ATE1: variants seen among roughly 807,000 people sequenced by gnomAD.
ATE1 encodes arginyl-tRNA--protein transferase 1.
In ATE1, 36 loss-of-function variants were observed where a neutral mutation model predicts 70.5. The observed-to-expected ratio is 0.51, with a 90% confidence interval of 0.39 to 0.67. The LOEUF (loss-of-function observed/expected upper bound fraction) is 0.67, where lower values mean the gene tolerates loss of function less well. Among genes scored for constraint, ATE1 ranks in the 30% least tolerant of loss-of-function variants. The pLI is 0.00. For missense variants in ATE1, 593 were observed against 629.5 expected (o/e 0.94, Z 0.62); for synonymous variants, 232 against 219.3 (o/e 1.06, Z -0.51).
intron 8 of ATE1, among the ~76,000 whole-genome samples, chr10:121,868,795 C>T (rs1949749734): frequency 6.6e-6 from 1 of 152,186 alleles, no homozygotes; most frequent in Non-Finnish European, 1.5e-5. Context: ...CTGGATGGGA[C>T]TACCCTCTCT....
In ATE1 at chr10:121,763,739, C is replaced by T. The variant is rs78595899; in HGVS notation, c.1379-19881G>A. On this transcript the variant is annotated intron_variant, in intron 11 of 11. Transcript: ENST00000224652. ...AACACAAAGAACATACCCAGCCGGG[C>T]GCAGTGGCTCACACTTGTAATCCCA... 9.4e-3 allele frequency among the ~76,000 whole-genome samples: 1,428 copies of T among 152,252 alleles called. 11 individuals are homozygous for T. Among genetic ancestry groups the T allele is most frequent in the Middle Eastern group, 0.037 (11 of 294 alleles).
chr10:121,785,263 A>G (rs906724061), intron 11 of ATE1, among the ~76,000 whole-genome samples: 3 of 152,208 alleles, frequency 2.0e-5, no homozygotes, highest in Non-Finnish European at 2.9e-5. Flanking sequence ...TAGGAAAGAT[A>G]CTATTATTAG....
intron 7 of ATE1, among the ~76,000 whole-genome samples, chr10:121,876,156 T>C (rs35029741): frequency 0.046 from 6,956 of 152,282 alleles, 234 homozygotes; most frequent in Non-Finnish European, 0.071. Flanking sequence ...GGTGATGTTA[T>C]GGGCAAATGC....
intron 10 of ATE1, among the ~76,000 whole-genome samples, chr10:121,828,933 G>A (rs1201282196): frequency 6.6e-6 from 1 of 152,130 alleles, no homozygotes; most frequent in Non-Finnish European, 1.5e-5. Flanking sequence ...ACAAATCTAT[G>A]TAAGAAAATC....
chr10:121,788,363 T>C (rs191908721), intron 11 of ATE1, among the ~76,000 whole-genome samples: 4 of 152,276 alleles, frequency 2.6e-5, no homozygotes, highest in African/African-American at 9.6e-5. Flanking sequence ...AACCTAAACA[T>C]CTAGAAAAAC....
chr10:121,924,367 A>G, intron 1 of ATE1, 38 bp from the exon 2 acceptor site: 1 of 1,585,274 alleles, frequency 6.3e-7, no homozygotes, highest in South Asian at 1.1e-5. Flanking sequence ...CGGCAGGGTA[A>G]CCTTTTTTCT....
At chr10:121,865,277 C>T (rs1448298079) in intron 8 of ATE1, among the ~76,000 whole-genome samples, 1 of 152,124 alleles carries the variant, frequency 6.6e-6, no homozygotes, top group African/African-American at 2.4e-5. Flanking sequence ...AAGTTATTAT[C>T]CTATTAATAC....
intron 4 of ATE1, among the ~76,000 whole-genome samples, chr10:121,912,723 T>C (rs537026934): frequency 1.9e-4 from 29 of 151,990 alleles, no homozygotes; most frequent in South Asian, 8.3e-4. Context: ...CATGTTCATT[T>C]TTCTAACTCA....
In ATE1 at chr10:121,795,994, T is replaced by C. The variant is rs188470723; in HGVS notation, c.1258-5705A>G. Among the ~76,000 whole-genome samples the C allele has an allele frequency of 3.3e-5, 5 of 152,364 alleles. No individual in the cohort carries two copies. In the East Asian group the frequency reaches 9.6e-4, roughly 29 times the overall value. On this transcript the variant is annotated intron_variant, in intron 10 of 11. Coordinates refer to ENST00000224652, the MANE Select transcript of ATE1 (RefSeq NM_001001976.3). Reference sequence around the variant, plus strand: ...CAAAGAGGTAAAAGCAGATTAATTCTTTCCTAGGGTGCTGACTTTTTGTAA... The same window carrying C: ...CAAAGAGGTAAAAGCAGATTAATTCCTTCCTAGGGTGCTGACTTTTTGTAA...
chr10:121,777,013 G>A (rs1289406833), intron 11 of ATE1, among the ~76,000 whole-genome samples: 1 of 152,218 alleles, frequency 6.6e-6, no homozygotes, highest in Non-Finnish European at 1.5e-5. Flanking sequence ...GTAATGTAAT[G>A]CATTCTAGCT....
intron 5 of ATE1, among the ~76,000 whole-genome samples, chr10:121,904,286 T>G (rs1286008178): frequency 2.0e-5 from 3 of 151,646 alleles, no homozygotes; most frequent in African/African-American, 7.2e-5. Flanking sequence ...CTGGCCGAAT[T>G]TTCCAACAAT....
At chr10:121,817,308 A>AG (rs1947585528) in intron 10 of ATE1, among the ~76,000 whole-genome samples, 2 of 152,138 alleles carry the variant, frequency 1.3e-5, no homozygotes, top group Non-Finnish European at 2.9e-5. Flanking sequence ...TGGGAGGCCA[A>AG]GGCGGGCGGA....
At chr10:121,905,607 C>T (rs1292569626) in intron 5 of ATE1, among the ~76,000 whole-genome samples, 6 of 151,944 alleles carry the variant, frequency 3.9e-5, no homozygotes, top group South Asian at 2.1e-4. Context: ...TTTGGAAGGC[C>T]GAGACGGGCG....
At position 121,783,682 on chromosome 10, in the gene ATE1, A is replaced by G. The variant is rs11200148; in HGVS notation, c.1378+6487T>C. Among the ~76,000 whole-genome samples, 3,280 of 152,226 alleles carry G rather than the reference A, an allele frequency of 0.022. 182 individuals are homozygous for G. In the East Asian group the frequency reaches 0.25, roughly 12 times the overall value. On this transcript the variant is annotated intron_variant, in intron 11 of 11. Coordinates refer to ENST00000224652, the MANE Select transcript of ATE1 (RefSeq NM_001001976.3). The stretch of plus-strand genomic sequence containing the variant: ...TGGCATTTTGGACAACTCCCTTAAA[A>G]TATTTTTTAAAATGTCACTTTTCCA...
At chr10:121,746,503 T>G (rs1438151733) in intron 11 of ATE1, among the ~76,000 whole-genome samples, 1 of 152,196 alleles carries the variant, frequency 6.6e-6, no homozygotes, top group African/African-American at 2.4e-5. Context: ...AAATTTGAAT[T>G]TCCTGAAAAT....
intron 10 of ATE1, among the ~76,000 whole-genome samples, chr10:121,792,474 T>C (rs10160140): frequency 0.95 from 144,629 of 152,322 alleles, 68,861 homozygotes; most frequent in Non-Finnish European, 0.98. Context: ...CTGTTGCTGG[T>C]TCACTGCACT....
At chr10:121,773,597 A>C (rs1032949424) in intron 11 of ATE1, among the ~76,000 whole-genome samples, 3 of 152,074 alleles carry the variant, frequency 2.0e-5, no homozygotes, top group Non-Finnish European at 4.4e-5. Context: ...ATTTAAAACA[A>C]ACCTTTACGA....
chr10:121,911,093 A>G lies in ATE1; in HGVS notation c.396T>C (p.Asn132=). 1 of 1,611,738 alleles carries G rather than the reference A, an allele frequency of 6.2e-7. No homozygotes were observed. Among genetic ancestry groups the G allele is most frequent in the South Asian group, 1.1e-5 (1 of 90,262 alleles). The change falls in exon 5 of 12, where the codon AAT becomes AAC. Residue 132 remains asparagine (N), a synonymous_variant. Coordinates refer to ENST00000224652, the MANE Select transcript of ATE1 (RefSeq NM_001001976.3). ...TAAGATCACACTGTATATCCAGTTT[A>G]TTTATCAATGCAAAGTCACCCGCAA... ...DAVAGDFALI[N]KLDIQCDLKT... is the part of the protein sequence containing the mutation.
At chr10:121,928,239 C>T, upstream of ATE1, 2 of 1,395,442 alleles carry the variant, frequency 1.4e-6, no homozygotes, top group Middle Eastern at 2.6e-4. Flanking sequence ...TGGGGAGAGT[C>T]AAGAGGGGAA....
Sources: gnomAD v4.1 joint callset for allele counts (sites outside exome capture counted in the v4.1 genomes callset) on GRCh38, gnomAD v4.1.1 for gene constraint, MANE v1.5 for transcripts, NCBI Gene and HGNC (gene_info 2026-07-23, HGNC 2026-07-21) for gene names.